Variants in OSBPL5 observed in about 807,000 individuals in gnomAD.
The protein encoded by OSBPL5 is oxysterol binding protein like 5.
OSBPL5 carries 71 observed loss-of-function variants against 111.2 expected under a neutral mutation model. The observed-to-expected ratio is 0.64, with a 90% CI of 0.53 to 0.78. The LOEUF is 0.78. Ranked by LOEUF, OSBPL5 falls within the 30% of genes least tolerant of loss-of-function variation. The probability of loss-of-function intolerance (pLI) is 0.00; values close to 1 mark genes in which losing one functional copy is unlikely to be tolerated. For missense variants in OSBPL5, 1,210 were observed against 1,189.3 expected (o/e 1.02, Z -0.26); for synonymous variants, 549 against 513.9 (o/e 1.07, Z -0.93).
intron 7 of OSBPL5, among the ~76,000 whole-genome samples, chr11:3,114,591 A>ATTTTTTTTTT (rs59645003): frequency 8.8e-6 from 1 of 113,898 alleles, no homozygotes; most frequent in African/African-American, 3.5e-5. Context: ...TAGAACAATG[A>ATTTTTTTTTT]TTTTTTTTTT....
chr11:3,106,227 A>G lies in OSBPL5; in HGVS notation c.1059+1036T>C, dbSNP rs1457926448. On this transcript the variant is annotated intron_variant, in intron 9 of 21. Coordinates refer to ENST00000263650, the MANE Select transcript of OSBPL5 (RefSeq NM_020896.4). This position sits in a 1 kb window ranked among gnomAD's most constrained non-coding sequence, Gnocchi z 8.4. ...AGGAGCCCCCTCTGTCCCTGTGCAG[A>G]GCAAGATGCGAACACGACGCTGTCC... is the stretch of plus-strand genomic sequence containing the variant. 6.6e-6 allele frequency among the ~76,000 whole-genome samples: 1 copy of G among 152,032 alleles called. No individual in the cohort carries two copies. The highest frequency in any genetic ancestry group is 1.5e-5 in the Non-Finnish European group (1 of 67,978).
chr11:3,112,056 CATGT>C (rs1435208263), intron 7 of OSBPL5, among the ~76,000 whole-genome samples: 7 of 32,028 alleles, frequency 2.2e-4, no homozygotes, highest in South Asian at 6.8e-4. Flanking sequence ...CATGTGTGTG[CATGT>C]GTATGTGTGT....
chr11:3,108,914 A>G (rs1391621579), intron 7 of OSBPL5, among the ~76,000 whole-genome samples: 1 of 151,522 alleles, frequency 6.6e-6, no homozygotes, highest in African/African-American at 2.4e-5. Flanking sequence ...GATTACAGGC[A>G]TGCACCACCA....
chr11:3,129,068 C>A lies in OSBPL5; in HGVS notation c.81G>T (p.Lys27Asn). 6.3e-7 allele frequency: 1 copy of A among 1,582,212 alleles called. No individual in the cohort carries two copies. The highest frequency in any genetic ancestry group is 8.6e-7 in the Non-Finnish European group (1 of 1,165,128). Residue 27 changes from lysine (K) to asparagine (N), a missense_variant, in exon 2 of 22, where the codon AAG (lysine) becomes AAT (asparagine). Coordinates refer to ENST00000263650, the MANE Select transcript of OSBPL5 (RefSeq NM_020896.4). The stretch of plus-strand genomic sequence containing the variant: ...CGCTGAGGAGCAAGTTCCGGGTGAG[C>A]TTCCGGGGGTCGACTTTCTGAGGGG... ...SSTPQKVDPR[K>N]LTRNLLLSGD...
At chr11:3,144,464 A>G (rs1210544635) in intron 1 of OSBPL5, among the ~76,000 whole-genome samples, 2 of 152,218 alleles carry the variant, frequency 1.3e-5, no homozygotes, top group Non-Finnish European at 2.9e-5. Flanking sequence ...TGCATTGATC[A>G]TGATCACAGC....
chr11:3,119,613 C>T lies in OSBPL5; in HGVS notation c.625G>A (p.Val209Met), dbSNP rs539611416. The stretch of plus-strand genomic sequence containing the variant: ...GGCAGGGGCTGTGTGATGGAGCCCA[C>T]GCTCTCACCTTTGGGGCCCTGGAGA... ...WAVKGPKGESVGSITQPLPSS... is the reference protein window; with the variant it reads ...WAVKGPKGESMGSITQPLPSS... The change falls in exon 7 of 22, where the codon GTG becomes ATG. Residue 209 changes from valine (V) to methionine (M), a missense_variant. Coordinates refer to ENST00000263650, the MANE Select transcript of OSBPL5 (RefSeq NM_020896.4). 43 of 1,575,526 alleles carry T rather than the reference C, an allele frequency of 2.7e-5. No individual in the cohort carries two copies. Among genetic ancestry groups the T allele is most frequent in the African/African-American group, 1.7e-4 (12 of 71,736 alleles).
At chr11:3,160,682 C>T (rs1432072820) in intron 1 of OSBPL5, among the ~76,000 whole-genome samples, 1 of 121,848 alleles carries the variant, frequency 8.2e-6, no homozygotes, top group Non-Finnish European at 1.8e-5. Context: ...TCCCCCCCCC[C>T]ACCCCGCCCC....
At chr11:3,160,555 T>C (rs1359894592) in intron 1 of OSBPL5, among the ~76,000 whole-genome samples, 1 of 152,174 alleles carries the variant, frequency 6.6e-6, no homozygotes, top group African/African-American at 2.4e-5. Flanking sequence ...CCGCAATAGC[T>C]GATCAGGAGA....
chr11:3,122,385 G>T lies in OSBPL5; in HGVS notation c.263C>A (p.Ser88Tyr), dbSNP rs1255657028. 1 of 1,613,936 alleles carries T rather than the reference G, an allele frequency of 6.2e-7. No individual in the cohort carries two copies. Among genetic ancestry groups the T allele is most frequent in the East Asian group, 2.2e-5 (1 of 44,872 alleles). Reference sequence around the variant, plus strand: ...CTTCTTGGTGACCCTGGCGGTGGGGGACACACATTCCTTGTCTGACCCGTT... The same window carrying T: ...CTTCTTGGTGACCCTGGCGGTGGGGTACACACATTCCTTGTCTGACCCGTT... ...LCNGSDKECV[S>Y]PTARVTKKET... Residue 88 changes from serine to tyrosine, a missense_variant, in exon 4 of 22, where the codon TCC (serine) becomes TAC (tyrosine). Ser to Tyr is a moderately radical substitution (Grantham distance 144, BLOSUM62 -2). Transcript: ENST00000263650.
chr11:3,158,748 G>C (rs923229386), intron 1 of OSBPL5, among the ~76,000 whole-genome samples: 1 of 152,256 alleles, frequency 6.6e-6, no homozygotes, highest in Non-Finnish European at 1.5e-5. Flanking sequence ...TTGAAAACTA[G>C]TGGATGCTTC....
chr11:3,102,144 G>A (rs932946111), intron 12 of OSBPL5, 39 bp downstream of exon 12: 11 of 1,544,012 alleles, frequency 7.1e-6, no homozygotes, highest in Non-Finnish European at 9.7e-6. Context: ...GCCCCATAGA[G>A]CCCAGCACCC....
intron 1 of OSBPL5, among the ~76,000 whole-genome samples, chr11:3,148,276 G>A (rs1255400682): frequency 2.6e-5 from 4 of 152,240 alleles, no homozygotes; most frequent in Admixed American, 6.5e-5. Flanking sequence ...GAGGGGCATC[G>A]GGGTGGGATC....
rs1857180814 is a variant in OSBPL5 at position 3,094,445 on chromosome 11, C to CGATCCCTGAGTCCCGACCCAGCAGCACT, written c.1622-112_1622-111insAGTGCTGCTGGGTCGGGACTCAGGGATC. 7 of 798,614 alleles carry CGATCCCTGAGTCCCGACCCAGCAGCACT rather than the reference C, an allele frequency of 8.8e-6. No homozygotes were observed. In the African/African-American group the frequency reaches 1.2e-4, roughly 14 times the overall value. 49.5% of individuals were successfully genotyped at this position (798,614 alleles called of 1,614,324 possible). A position where few individuals can be genotyped will look rare whatever the true frequency, so the allele number is the denominator to read the frequency against. ...TCCCTGAGTCCCGACCCAGCAGCAC[C>CGATCCCTGAGTCCCGACCCAGCAGCACT]GATCCCTGGGAGGCCTGTGTCAGTC... On this transcript the variant is annotated intron_variant, in intron 14 of 21. Coordinates refer to ENST00000263650, the MANE Select transcript of OSBPL5 (RefSeq NM_020896.4).
intron 1 of OSBPL5, among the ~76,000 whole-genome samples, chr11:3,158,179 C>T (rs191152055): frequency 2.8e-4 from 42 of 152,360 alleles, no homozygotes; most frequent in African/African-American, 5.3e-4. Context: ...CGGCCTGCCC[C>T]GGCCTGCCCT....
At position 3,092,305 on chromosome 11, in the gene OSBPL5, G is replaced by A; in HGVS notation, c.2259+127C>T. 7.7e-7 allele frequency: 1 copy of A among 1,294,168 alleles called. No individual in the cohort carries two copies. Among genetic ancestry groups the A allele is most frequent in the Admixed American group, 2.9e-5 (1 of 34,274 alleles). 80.2% of individuals were successfully genotyped at this position (1,294,168 alleles called of 1,614,324 possible). A position where few individuals can be genotyped will look rare whatever the true frequency, so the allele number is the denominator to read the frequency against. On this transcript the variant is annotated intron_variant, in intron 19 of 21. Coordinates refer to ENST00000263650, the MANE Select transcript of OSBPL5 (RefSeq NM_020896.4). The surrounding 1 kb of genome is among the most constrained non-coding windows in gnomAD (Gnocchi z 5.4). ...GGCAGAGAAGGAAAGGGGACGAGGG[G>A]GCTGGGGGATGAGGGCGTGAGGGAA...
chr11:3,120,338 G>A, intron 6 of OSBPL5, 83 bp downstream of exon 6: 1 of 1,507,916 alleles, frequency 6.6e-7, no homozygotes, highest in Non-Finnish European at 9.0e-7. Context: ...TCAGCTGGTT[G>A]GCTCCACCCT....
intron 1 of OSBPL5, among the ~76,000 whole-genome samples, chr11:3,145,753 G>A (rs1419314428): frequency 2.6e-5 from 4 of 152,220 alleles, no homozygotes; most frequent in South Asian, 4.1e-4. Flanking sequence ...GGGAGGCCCT[G>A]GTGGGAAGTG....
At position 3,088,129 on chromosome 11, in the gene OSBPL5, C is replaced by T. The variant is rs1391633395; in HGVS notation, c.*76G>A. 1.5e-6 allele frequency: 2 copies of T among 1,362,612 alleles called. No individual in the cohort carries two copies. Among genetic ancestry groups the T allele is most frequent in the African/African-American group, 3.0e-5 (2 of 67,428 alleles). 84.4% of individuals were successfully genotyped at this position (1,362,612 alleles called of 1,614,324 possible). ...TGTGCTTGCCGGGCCTCTCTGCCTC[C>T]ATGGAGCAGGCTTAAAGTGCTGGGT... On this transcript the variant is annotated 3_prime_UTR_variant, in exon 22 of 22. Coordinates refer to ENST00000263650, the MANE Select transcript of OSBPL5 (RefSeq NM_020896.4).
chr11:3,119,639 G>C lies in OSBPL5; in HGVS notation c.607-8C>G, dbSNP rs760070062. On this transcript the variant is annotated splice_region_variant and splice_polypyrimidine_tract_variant and intron_variant, in intron 6 of 21. Coordinates refer to ENST00000263650, the MANE Select transcript of OSBPL5 (RefSeq NM_020896.4). ...GCTCTCACCTTTGGGGCCCTGGAGA[G>C]AGAGAGATCTGGGTGTCACCCGAGG... 1.8e-5 allele frequency: 29 copies of C among 1,579,884 alleles called. No homozygotes were observed. The South Asian group carries it at 2.9e-4, about 16-fold the overall frequency.
Sources: gnomAD v4.1 joint callset for allele counts (sites outside exome capture counted in the v4.1 genomes callset) on GRCh38, gnomAD v4.1.1 for gene constraint, Gnocchi (gnomAD v3.1) non-coding constraint, MANE v1.5 for transcripts, NCBI Gene and HGNC (gene_info 2026-07-23, HGNC 2026-07-21) for gene names.